The following SCHIP1 variants were observed in gnomAD, a reference collection of about 807,000 sequenced individuals.
SCHIP1 encodes the protein schwannomin interacting protein 1.
SCHIP1 carries 8 observed loss-of-function variants against 29.7 expected under a neutral mutation model. The ratio of observed to expected loss-of-function variants is 0.27; its 90% CI spans 0.16 to 0.49. The LOEUF (loss-of-function observed/expected upper bound fraction) is 0.49, where lower values mean the gene tolerates loss of function less well. SCHIP1 is among the 20% of genes least tolerant of loss of function. The pLI, the probability that SCHIP1 is intolerant of heterozygous loss-of-function variation, is 0.99. For synonymous variants in SCHIP1, 76 were observed against 94.9 expected (o/e 0.80, Z 1.16); for missense variants, 193 against 294.6 (o/e 0.66, Z 2.52).
the SCHIP1 span, among the ~76,000 whole-genome samples, chr3:159,306,151 A>G: frequency 3.9e-5 from 6 of 152,224 alleles, no homozygotes; most frequent in African/African-American, 1.4e-4. Context: ...ATCTGCAGTA[A>G]CTTTTTTCAC....
chr3:159,605,168 T>G, the SCHIP1 span, among the ~76,000 whole-genome samples: 1 of 152,122 alleles, frequency 6.6e-6, no homozygotes, highest in Non-Finnish European at 1.5e-5. Context: ...AGAGACAAGA[T>G]TTAAAAGGGC....
intron 2 of SCHIP1, among the ~76,000 whole-genome samples, chr3:159,870,923 G>T (rs1415823694): frequency 6.6e-6 from 1 of 151,868 alleles, no homozygotes; most frequent in African/African-American, 2.4e-5. Flanking sequence ...TGGGCCTGGT[G>T]TTTACTTTGT....
At chr3:159,843,001 C>CTTTTTTTTTTTTTT (rs566940351) in intron 1 of SCHIP1, among the ~76,000 whole-genome samples, 814 of 63,666 alleles carry the variant, frequency 0.013, 128 homozygotes, top group Middle Eastern at 0.027. Flanking sequence ...ATATTTCTTT[C>CTTTTTTTTTTTTTT]TTTTTTTTTT....
the SCHIP1 span, among the ~76,000 whole-genome samples, chr3:159,454,209 A>G: frequency 6.6e-6 from 1 of 152,238 alleles, no homozygotes; most frequent in South Asian, 2.1e-4. Flanking sequence ...AGATTCTGAT[A>G]CAATGGGTCT....
the SCHIP1 span, among the ~76,000 whole-genome samples, chr3:159,815,937 C>CTATTTATTTATTTATT: frequency 0.072 from 10,580 of 147,436 alleles, 425 homozygotes; most frequent in Middle Eastern, 0.17. Context: ...GCCTCTGGTC[C>CTATTTATTTATTTATT]TATTTATTTA....
At chr3:159,378,932 GATTTTAATT>G in the SCHIP1 span, among the ~76,000 whole-genome samples, 1 of 152,272 alleles carries the variant, frequency 6.6e-6, no homozygotes, top group Admixed American at 6.5e-5. Flanking sequence ...TGAGTGAAAG[GATTTTAATT>G]ACACAATGCA....
chr3:159,340,447 A>G, the SCHIP1 span, among the ~76,000 whole-genome samples: 2 of 152,126 alleles, frequency 1.3e-5, no homozygotes, highest in Admixed American at 6.5e-5. Context: ...AAACTAGAGG[A>G]AATTTTAAAT....
At chr3:159,594,336 T>A in the SCHIP1 span, among the ~76,000 whole-genome samples, 1 of 152,244 alleles carries the variant, frequency 6.6e-6, no homozygotes, top group Non-Finnish European at 1.5e-5. Context: ...TTTTTTTAAA[T>A]GTTATGTTAG....
chr3:159,879,510 C>T (rs1716223112), intron 2 of SCHIP1, among the ~76,000 whole-genome samples: 1 of 152,154 alleles, frequency 6.6e-6, no homozygotes, highest in South Asian at 2.1e-4. Flanking sequence ...TGCTCAAAAA[C>T]AGTAACTTTT....
chr3:159,520,563 A>T, the SCHIP1 span, among the ~76,000 whole-genome samples: 913 of 152,314 alleles, frequency 6.0e-3, 9 homozygotes, highest in African/African-American at 0.021. Flanking sequence ...ACCCTACAAG[A>T]TTAAACTACA....
chr3:159,576,039 T>C, the SCHIP1 span, among the ~76,000 whole-genome samples: 4 of 152,200 alleles, frequency 2.6e-5, no homozygotes, highest in Non-Finnish European at 5.9e-5. Context: ...CATTCAGTAA[T>C]TAACTATGAT....
At chr3:159,308,739 C>G in the SCHIP1 span, among the ~76,000 whole-genome samples, 6 of 152,080 alleles carry the variant, frequency 3.9e-5, no homozygotes, top group African/African-American at 1.4e-4. Context: ...GCTATTTACA[C>G]TAACAAAGAC....
At chr3:159,388,032 C>T in the SCHIP1 span, among the ~76,000 whole-genome samples, 4 of 151,952 alleles carry the variant, frequency 2.6e-5, no homozygotes, top group African/African-American at 9.7e-5. Flanking sequence ...AGGTAATTTC[C>T]GCTAGGCTTG....
chr3:159,486,681 TG>T, the SCHIP1 span, among the ~76,000 whole-genome samples: 1 of 152,282 alleles, frequency 6.6e-6, no homozygotes, highest in African/African-American at 2.4e-5. Context: ...ACTAAATATA[TG>T]GGGATTTATT....
At chr3:159,402,975 G>A in the SCHIP1 span, among the ~76,000 whole-genome samples, 2 of 152,074 alleles carry the variant, frequency 1.3e-5, no homozygotes, top group Non-Finnish European at 2.9e-5. Flanking sequence ...TCCCCCGTAA[G>A]TTCTAAGTAC....
chr3:159,575,728 C>A, the SCHIP1 span, among the ~76,000 whole-genome samples: 1 of 152,098 alleles, frequency 6.6e-6, no homozygotes, highest in Non-Finnish European at 1.5e-5. Flanking sequence ...AGCCACTGTG[C>A]CCAGCCACTG....
At chr3:159,704,547 G>C in the SCHIP1 span, among the ~76,000 whole-genome samples, 1 of 151,430 alleles carries the variant, frequency 6.6e-6, no homozygotes, top group Admixed American at 6.6e-5. Flanking sequence ...AATAAGGAAA[G>C]TAGAAAAGCA....
chr3:159,574,038 C>T, the SCHIP1 span, among the ~76,000 whole-genome samples: 2 of 152,156 alleles, frequency 1.3e-5, no homozygotes, highest in Non-Finnish European at 2.9e-5. Context: ...TTTTAGCTGC[C>T]TTGCGATGGG....
the SCHIP1 span, among the ~76,000 whole-genome samples, chr3:159,635,484 C>T: frequency 2.6e-5 from 4 of 152,178 alleles, no homozygotes; most frequent in Admixed American, 2.0e-4. Flanking sequence ...CTGTGGGATT[C>T]CCATCCTGCC....
Sources: allele counts gnomAD v4.1 joint callset (sites outside exome capture counted in the v4.1 genomes callset), GRCh38; gene constraint gnomAD v4.1.1; transcripts MANE v1.5; gene names NCBI Gene and HGNC (gene_info 2026-07-23, HGNC 2026-07-21).